The following LRRC49 variants were observed in gnomAD, a reference collection of about 807,000 sequenced individuals.
The protein encoded by LRRC49 is leucine-rich repeat-containing protein 49.
A neutral mutation model predicts 83.3 loss-of-function variants in LRRC49; 50 were observed. The ratio of observed to expected loss-of-function variants is 0.60; its 90% confidence interval spans 0.48 to 0.76. LRRC49 has a LOEUF of 0.76. LRRC49 is among the 30% of genes least tolerant of loss of function. LRRC49 has a pLI of 0.00. For missense variants in LRRC49, 704 were observed against 809.1 expected (o/e 0.87, Z 1.58); for synonymous variants, 286 against 283.3 (o/e 1.01, Z -0.10).
In LRRC49 at chr15:70,867,260, A is replaced by G. The variant is rs897500770; in HGVS notation, c.-298-5648A>G. On this transcript the variant is annotated intron_variant, in intron 1 of 16. Coordinates refer to the LRRC49 transcript ENST00000544974. The stretch of plus-strand genomic sequence containing the variant: ...CTTGTAAGGGGCACCATGAAGTATC[A>G]AAAGAAAGACTGAAAGACAAGAGCA... Among the ~76,000 whole-genome samples, 72 of 152,138 alleles carry G rather than the reference A, an allele frequency of 4.7e-4. 3 individuals are homozygous for G. Among genetic ancestry groups the G allele is most frequent in the Admixed American group, 4.7e-3 (72 of 15,274 alleles).
chr15:70,979,102 TA>T (rs1380588069), intron 9 of LRRC49, among the ~76,000 whole-genome samples: 2 of 152,116 alleles, frequency 1.3e-5, no homozygotes, highest in Non-Finnish European at 2.9e-5. Flanking sequence ...TAATGAAAAT[TA>T]AAAGTTACGT....
At chr15:70,879,937 A>AT (rs1380426884) in intron 2 of LRRC49, among the ~76,000 whole-genome samples, 1 of 152,228 alleles carries the variant, frequency 6.6e-6, no homozygotes, top group African/African-American at 2.4e-5. Context: ...TTAAAATAGA[A>AT]TTTAAGCCCA....
Position 70,963,824 on chromosome 15 carries a change from C to T in LRRC49, c.813C>T (p.Leu271=). ...CCTGCCTTGCTGACTCTTCTTCCCT[C>T]TCGGACATCACCTTTGATGGCAATC... ...SVSCLADSSS[L]SDITFDGNPI... Residue 271 remains leucine, a synonymous_variant, in exon 9 of 16, where the codon CTC becomes CTT. Coordinates refer to ENST00000260382, the MANE Select transcript of LRRC49 (RefSeq NM_017691.5). The T allele has an allele frequency of 9.9e-6, 16 of 1,613,628 alleles. No individual in the cohort carries two copies. The highest frequency in any genetic ancestry group is 1.4e-5 in the Non-Finnish European group (16 of 1,179,648).
At chr15:71,042,586 T>C (rs1395152629) in intron 15 of LRRC49, among the ~76,000 whole-genome samples, 1 of 152,148 alleles carries the variant, frequency 6.6e-6, no homozygotes, top group Non-Finnish European at 1.5e-5. Context: ...TCCTTACATC[T>C]TGAAAAATAC....
At chr15:70,884,777 A>G (rs1213161364) in intron 2 of LRRC49, among the ~76,000 whole-genome samples, 1 of 152,216 alleles carries the variant, frequency 6.6e-6, no homozygotes, top group African/African-American at 2.4e-5. Flanking sequence ...GGTTAAAAAA[A>G]TAACTTTTAT....
intron 5 of LRRC49, chr15:70,907,740 GCTGTGATATAT>G (rs1342189907): frequency 6.2e-6 from 2 of 320,058 alleles, no homozygotes; most frequent in Non-Finnish European, 6.3e-6. Flanking sequence ...GCGGAGACAG[GCTGTGATATAT>G]CCCTAGAGGC....
At chr15:70,859,422 C>T in intron 1 of LRRC49, 1 of 743,500 alleles carries the variant, frequency 1.3e-6, no homozygotes, top group Non-Finnish European at 2.5e-6. Flanking sequence ...GAGCTGCAGT[C>T]CCACATCTCG....
At chr15:70,922,220 T>A (rs955647378) in intron 7 of LRRC49, among the ~76,000 whole-genome samples, 3 of 152,172 alleles carry the variant, frequency 2.0e-5, no homozygotes, top group Admixed American at 6.6e-5. Context: ...AAGAGATATC[T>A]GCATCCCTAT....
chr15:70,892,300 G>C (rs1362261507), upstream of LRRC49: 1 of 1,550,884 alleles, frequency 6.4e-7, no homozygotes, highest in East Asian at 2.4e-5. Flanking sequence ...CGCGGGAGCC[G>C]GGTTCCCTGG....
At chr15:70,883,846 A>G (rs1032256337) in intron 2 of LRRC49, among the ~76,000 whole-genome samples, 4 of 150,480 alleles carry the variant, frequency 2.7e-5, no homozygotes, top group Admixed American at 6.6e-5. Flanking sequence ...AGTAGAGACA[A>G]TGTTTCACCA....
chr15:70,884,709 ATATTTCTTTAC>A (rs575108302), intron 2 of LRRC49, among the ~76,000 whole-genome samples: 18 of 152,340 alleles, frequency 1.2e-4, no homozygotes, highest in Non-Finnish European at 2.5e-4. Context: ...GAATAAACAC[ATATTTCTTTAC>A]AAAAAGGTGT....
At chr15:70,909,675 C>T (rs1426246794) in intron 5 of LRRC49, among the ~76,000 whole-genome samples, 1 of 152,066 alleles carries the variant, frequency 6.6e-6, no homozygotes, top group East Asian at 1.9e-4. Context: ...CCCGTCTCTA[C>T]CAAAACTACA....
chr15:70,893,406 T>A, intron 1 of LRRC49, 178 bp from the exon 2 acceptor site: 1 of 617,436 alleles, frequency 1.6e-6, no homozygotes. Flanking sequence ...ACCTTTTAAT[T>A]CTTAGATGTG....
chr15:70,936,457 G>C (rs1051392427), intron 7 of LRRC49: 6 of 278,352 alleles, frequency 2.2e-5, no homozygotes, highest in African/African-American at 1.3e-4. Flanking sequence ...TACAGTTGAA[G>C]TGCTGAAGTA....
intron 7 of LRRC49, among the ~76,000 whole-genome samples, chr15:70,929,200 A>G (rs1490337450): frequency 6.6e-6 from 1 of 152,114 alleles, no homozygotes; most frequent in African/African-American, 2.4e-5. Context: ...AGATGTCTTT[A>G]TTTCTAATGC....
chr15:71,020,034 A>G (rs894746785), intron 14 of LRRC49, among the ~76,000 whole-genome samples: 4 of 152,234 alleles, frequency 2.6e-5, no homozygotes, highest in Non-Finnish European at 5.9e-5. Flanking sequence ...TGCATAGACT[A>G]TAAAACGACT....
chr15:70,951,818 T>C (rs1001153724), intron 8 of LRRC49, among the ~76,000 whole-genome samples: 1 of 152,120 alleles, frequency 6.6e-6, no homozygotes, highest in Admixed American at 6.5e-5. Flanking sequence ...GCAGTGAAAA[T>C]GGGCATCCTT....
intron 6 of LRRC49, among the ~76,000 whole-genome samples, chr15:70,917,089 C>A (rs1478405899): frequency 6.6e-6 from 1 of 152,216 alleles, no homozygotes; most frequent in Non-Finnish European, 1.5e-5. Context: ...GCTTACACAC[C>A]AGTCCCTTGC....
chr15:70,940,172 A>G (rs1456288893), intron 8 of LRRC49, among the ~76,000 whole-genome samples: 1 of 152,018 alleles, frequency 6.6e-6, no homozygotes, highest in South Asian at 2.1e-4. Flanking sequence ...GAAACCTTAA[A>G]CTGCCCTGCA....
Sources: allele counts gnomAD v4.1 joint callset (sites outside exome capture counted in the v4.1 genomes callset), GRCh38; gene constraint gnomAD v4.1.1; transcripts MANE v1.5; gene names NCBI Gene and HGNC (gene_info 2026-07-23, HGNC 2026-07-21).